The following MGARP variants were observed in gnomAD, a reference collection of about 807,000 sequenced individuals.
MGARP encodes the protein mitochondria localized glutamic acid rich protein, also known as protein MGARP.
MGARP carries 12 observed loss-of-function variants against 11.0 expected under a neutral mutation model. The observed-to-expected ratio is 1.09, with a 90% CI of 0.70 to 1.77. The LOEUF is 1.77. MGARP is among the 40% of genes most tolerant of loss of function. MGARP has a pLI of 0.00. For missense variants in MGARP, 283 were observed against 297.8 expected (o/e 0.95, Z 0.36); for synonymous variants, 110 against 115.4 (o/e 0.95, Z 0.30).
At chr4:139,275,458 A>G in intron 1 of MGARP, 66 bp from the exon 2 acceptor site, 1 of 1,303,832 alleles carries the variant, frequency 7.7e-7, no homozygotes. Context: ...AAATAATTAC[A>G]TCTTTCAAAA....
intron 3 of MGARP, among the ~76,000 whole-genome samples, chr4:139,268,094 T>C (rs949626393): frequency 6.9e-6 from 1 of 145,204 alleles, no homozygotes; most frequent in Admixed American, 7.1e-5. Context: ...TCCAGCCTGG[T>C]TGACAGAGGG....
At chr4:139,268,888 G>T (rs1744735899) in intron 2 of MGARP, 123 bp from the exon 3 acceptor site, 1 of 645,594 alleles carries the variant, frequency 1.5e-6, no homozygotes, top group Non-Finnish European at 2.6e-6. Context: ...TCCCAGTGTA[G>T]CAAAGAAGAG....
At position 139,279,630 on chromosome 4, in the gene MGARP, G is replaced by A. The variant is rs544824492; in HGVS notation, c.82+447C>T. Among the ~76,000 whole-genome samples, 21 of 152,258 alleles carry A rather than the reference G, an allele frequency of 1.4e-4. No homozygotes were observed. In the East Asian group the frequency reaches 3.9e-3, roughly 28 times the overall value. On this transcript the variant is annotated intron_variant, in intron 1 of 3. Transcript: ENST00000398955. Reference sequence around the variant, plus strand: ...CGCTTGCCGGGCCCGCTCGCTGATCGGCGTCCACCTTCCCACCGTTCCTCT... The same window carrying A: ...CGCTTGCCGGGCCCGCTCGCTGATCAGCGTCCACCTTCCCACCGTTCCTCT...
intron 1 of MGARP, among the ~76,000 whole-genome samples, chr4:139,275,599 C>A (rs963537019): frequency 6.6e-6 from 1 of 152,130 alleles, no homozygotes; most frequent in African/African-American, 2.4e-5. Flanking sequence ...ACTCATGAAA[C>A]CTGTCATCTT....
chr4:139,269,705 T>C (rs956987808), intron 2 of MGARP, among the ~76,000 whole-genome samples: 2 of 150,522 alleles, frequency 1.3e-5, no homozygotes, highest in African/African-American at 4.9e-5. Flanking sequence ...ACAGACAAAA[T>C]GTGCAGGCTT....
In MGARP at chr4:139,275,351, A is replaced by G; in HGVS notation, c.124T>C (p.Ser42Pro). ...RMSSNRFPGS[S>P]GSNMIYYLVV... ...AGATAATAAATCATATTTGATCCAGATGATCCAGGGAATCTGTTAGATGAC... is the reference window on the plus strand; with the variant it reads ...AGATAATAAATCATATTTGATCCAGGTGATCCAGGGAATCTGTTAGATGAC... Residue 42 changes from serine to proline, a missense_variant, in exon 2 of 4, where the codon TCT becomes CCT. Coordinates refer to ENST00000398955, the MANE Select transcript of MGARP (RefSeq NM_032623.4). 2 of 1,614,104 alleles carry G rather than the reference A, an allele frequency of 1.2e-6. No homozygotes were observed. The highest frequency in any genetic ancestry group is 1.7e-6 in the Non-Finnish European group (2 of 1,179,984).
intron 1 of MGARP, among the ~76,000 whole-genome samples, 196 bp downstream of exon 1, chr4:139,279,881 G>A (rs543789022): frequency 3.9e-5 from 6 of 152,324 alleles, no homozygotes; most frequent in South Asian, 2.1e-4. Context: ...CCCTGGAAAA[G>A]TTCCCTACTT....
chr4:139,270,201 G>A (rs746089073), intron 2 of MGARP, among the ~76,000 whole-genome samples: 4 of 151,446 alleles, frequency 2.6e-5, no homozygotes, highest in African/African-American at 4.9e-5. Context: ...TCGGGAGGCT[G>A]AGGCAGGAGA....
intron 2 of MGARP, among the ~76,000 whole-genome samples, chr4:139,269,426 C>T (rs1257287508): frequency 6.6e-6 from 1 of 151,648 alleles, no homozygotes; most frequent in East Asian, 1.9e-4. Context: ...GTCAGGAGTT[C>T]GAGACCAGTC....
chr4:139,266,593 TG>T lies in MGARP; in HGVS notation c.*5del. The T allele has an allele frequency of 6.2e-7, 1 of 1,608,908 alleles. No homozygotes were observed. Among genetic ancestry groups the T allele is most frequent in the Non-Finnish European group, 8.5e-7 (1 of 1,177,312 alleles). ...ATTTGTTGCTGAAATGTCTACCGGCTGGAGATTAGCCTTGAGCCGAAGCAGC... is the reference window on the plus strand; with the variant it reads ...ATTTGTTGCTGAAATGTCTACCGGCTGAGATTAGCCTTGAGCCGAAGCAGC... On this transcript the variant is annotated 3_prime_UTR_variant, in exon 4 of 4. Coordinates refer to ENST00000398955, the MANE Select transcript of MGARP (RefSeq NM_032623.4).
At chr4:139,268,599 T>C (rs899726332) in intron 3 of MGARP, 73 bp downstream of exon 3, 3 of 1,035,070 alleles carry the variant, frequency 2.9e-6, no homozygotes, top group Non-Finnish European at 4.2e-6. Context: ...ATAGTGTTCA[T>C]TGCTAGACTA....
chr4:139,267,190 A>C (rs1744711667), intron 3 of MGARP, 149 bp from the exon 4 acceptor site: 1 of 804,014 alleles, frequency 1.2e-6, no homozygotes, highest in Non-Finnish European at 2.0e-6. Flanking sequence ...ACAGCAAAAA[A>C]AGAACAATGT....
rs116191353 is a variant in MGARP, at chr4:139,266,458, T to G, written c.*141A>C. The G allele has an allele frequency of 0.012, 8,903 of 739,766 alleles. 62 individuals carry two copies. The highest frequency in any genetic ancestry group is 0.029 in the East Asian group (1,083 of 37,012). The allele number at this position is 739,766 out of a possible 1,614,324, so 45.8% of individuals were successfully genotyped here. A position where few individuals can be genotyped will look rare whatever the true frequency, so the allele number is the denominator to read the frequency against. On this transcript the variant is annotated 3_prime_UTR_variant, in exon 4 of 4. Transcript: ENST00000398955. ...GTCTCTCAGTCCTAAAATCTATCAG[T>G]GGATGCCAAAAATCTTCAAGACCCA... is the stretch of plus-strand genomic sequence containing the variant.
At position 139,266,314 on chromosome 4, in the gene MGARP, G is replaced by T; in HGVS notation, c.*285C>A. 3.3e-6 allele frequency: 1 copy of T among 300,668 alleles called. No individual in the cohort carries two copies. The highest frequency in any genetic ancestry group is 4.6e-5 in the Admixed American group (1 of 21,828). The allele number at this position is 300,668 out of a possible 1,614,324, so 18.6% of individuals were successfully genotyped here. On this transcript the variant is annotated 3_prime_UTR_variant, in exon 4 of 4. Transcript: ENST00000398955. ...ATAAAATGTAAATTCAGAGATGACT[G>T]GGATAAAAGAAAAGTGTCTAGAAAA...
intron 3 of MGARP, among the ~76,000 whole-genome samples, chr4:139,267,402 T>C (rs867770961): frequency 6.6e-6 from 1 of 152,164 alleles, no homozygotes; most frequent in Non-Finnish European, 1.5e-5. Context: ...TTGAATATAT[T>C]ACTTAGGCAA....
rs1253606819 is a variant in MGARP at position 139,266,632 on chromosome 4, A to C, written c.690T>G (p.Ser230Arg). 6.2e-7 allele frequency: 1 copy of C among 1,613,836 alleles called. No homozygotes were observed. ...SAGDDLQEEA[S>R]VGSEAASAQG The stretch of plus-strand genomic sequence containing the variant: ...GAGCCGAAGCAGCCTCAGAGCCAAC[A>C]CTGGCTTCCTCCTGTAAATCATCTC... Residue 230 changes from serine to arginine, a missense_variant, in exon 4 of 4, where the codon AGT becomes AGG. Physicochemically the swap from Ser to Arg is moderately radical, Grantham distance 110 (BLOSUM62 -1). Coordinates refer to ENST00000398955, the MANE Select transcript of MGARP (RefSeq NM_032623.4).
chr4:139,276,837 A>C (rs1744882096), intron 1 of MGARP, among the ~76,000 whole-genome samples: 1 of 152,116 alleles, frequency 6.6e-6, no homozygotes, highest in Non-Finnish European at 1.5e-5. Context: ...GTTCTGTTCC[A>C]AAAAAATAAT....
At chr4:139,273,521 T>C (rs1181132126) in intron 2 of MGARP, among the ~76,000 whole-genome samples, 2 of 148,766 alleles carry the variant, frequency 1.3e-5, no homozygotes, top group Non-Finnish European at 3.0e-5. Flanking sequence ...TTTTTTTTTT[T>C]TTTTTTTTTT....
At chr4:139,274,682 C>T (rs1744840859) in intron 2 of MGARP, among the ~76,000 whole-genome samples, 1 of 152,072 alleles carries the variant, frequency 6.6e-6, no homozygotes, top group South Asian at 2.1e-4. Flanking sequence ...GGGGTTTCCT[C>T]ATGTTGGCCA....
Sources: gnomAD v4.1 joint callset for allele counts (sites outside exome capture counted in the v4.1 genomes callset) on GRCh38, gnomAD v4.1.1 for gene constraint, MANE v1.5 for transcripts, NCBI Gene and HGNC (gene_info 2026-07-23, HGNC 2026-07-21) for gene names.